Variants in BCAR3 observed in about 807,000 individuals in gnomAD.
BCAR3 encodes BCAR3 adaptor protein, NSP family member.
A neutral mutation model predicts 80.1 loss-of-function variants in BCAR3; 37 were observed. The observed-to-expected ratio is 0.46, with a 90% CI of 0.36 to 0.61. BCAR3 has a LOEUF of 0.61. Among genes scored for constraint, BCAR3 ranks in the 20% least tolerant of loss-of-function variants. BCAR3 has a pLI of 0.00. For missense variants in BCAR3, 978 were observed against 1,068.2 expected (o/e 0.92, Z 1.18); for synonymous variants, 389 against 418.9 (o/e 0.93, Z 0.87).
rs193138683 is a variant in BCAR3 at position 93,719,237 on chromosome 1, A to T, written c.-62-13095T>A. 2.6e-5 allele frequency among the ~76,000 whole-genome samples: 4 copies of T among 151,044 alleles called. No homozygotes were observed. The East Asian group carries it at 7.8e-4, about 29-fold the overall frequency. ...GGACCCTGCCATTAGCAAATGGTTG[A>T]TGCTCCATGTTGTATGAGGGCCCTC... is the stretch of plus-strand genomic sequence containing the variant. On this transcript the variant is annotated intron_variant, in intron 2 of 13. Coordinates refer to the BCAR3 transcript ENST00000370244.
At chr1:93,575,166 A>C (rs1673402566) in intron 8 of BCAR3, among the ~76,000 whole-genome samples, 1 of 152,220 alleles carries the variant, frequency 6.6e-6, no homozygotes, top group Non-Finnish European at 1.5e-5. Context: ...TGTAATAGCC[A>C]GTGCAGAATG....
In BCAR3 at chr1:93,619,895, C is replaced by T. The variant is rs146749055; in HGVS notation, c.357+22409G>A. Among the ~76,000 whole-genome samples, 9 of 152,358 alleles carry T rather than the reference C, an allele frequency of 5.9e-5. No individual in the cohort carries two copies. In the East Asian group the frequency reaches 1.5e-3, roughly 26 times the overall value. ...AGCCAGGATGGGTTCTGGTCTTCAC[C>T]ACTAGCTAGCTGGGTGACTTTGGGG... On this transcript the variant is annotated intron_variant, in intron 3 of 11. Transcript: ENST00000260502.
chr1:93,644,924 G>A (rs780498880), intron 2 of BCAR3, among the ~76,000 whole-genome samples: 18 of 152,208 alleles, frequency 1.2e-4, no homozygotes, highest in Middle Eastern at 3.2e-3. Flanking sequence ...ATTCCAGTTC[G>A]AAGGTGCATT....
chr1:93,671,472 G>T (rs1648199486), intron 2 of BCAR3, among the ~76,000 whole-genome samples: 1 of 152,168 alleles, frequency 6.6e-6, no homozygotes. Context: ...ATACCCGTCA[G>T]GCCAATACCC....
chr1:93,612,221 G>A (rs1674971923), intron 3 of BCAR3, among the ~76,000 whole-genome samples: 2 of 152,174 alleles, frequency 1.3e-5, no homozygotes, highest in Non-Finnish European at 1.5e-5. Flanking sequence ...GAGGGCTACA[G>A]TTTCCAGTGA....
intron 3 of BCAR3, among the ~76,000 whole-genome samples, chr1:93,686,893 AC>A (rs1206965613): frequency 6.6e-6 from 1 of 152,220 alleles, no homozygotes; most frequent in Admixed American, 6.5e-5. Flanking sequence ...AGACTCAGGT[AC>A]CACAAACTAA....
intron 2 of BCAR3, among the ~76,000 whole-genome samples, chr1:93,838,621 A>T (rs917005876): frequency 6.6e-6 from 1 of 152,166 alleles, no homozygotes; most frequent in East Asian, 1.9e-4. Context: ...TCCCCTTTCT[A>T]GTCATTTATA....
Position 93,571,703 on chromosome 1 carries a change from G to A in BCAR3, c.1941C>T (p.Phe647=), listed in dbSNP as rs1673224782. Residue 647 remains phenylalanine, a synonymous_variant, in exon 9 of 12, where the codon TTC becomes TTT. Transcript: ENST00000260502. ...TTTCCAGGGCTTTCATGAGAGCTGAGAAGGAATAGAGGTCCCCCATGGAAT... is the reference window on the plus strand; with the variant it reads ...TTTCCAGGGCTTTCATGAGAGCTGAAAAGGAATAGAGGTCCCCCATGGAAT... The part of the protein sequence containing the change: ...LKDSMGDLYS[F]SALMKALEMP... 1 of 1,614,158 alleles carries A rather than the reference G, an allele frequency of 6.2e-7. No homozygotes were observed. The highest frequency in any genetic ancestry group is 2.2e-5 in the East Asian group (1 of 44,880).
chr1:93,698,128 A>G (rs1028094726), intron 3 of BCAR3, among the ~76,000 whole-genome samples: 9 of 152,244 alleles, frequency 5.9e-5, no homozygotes, highest in Non-Finnish European at 1.0e-4. Flanking sequence ...AGGAGGCAGC[A>G]GCGGAAGCAG....
intron 9 of BCAR3, among the ~76,000 whole-genome samples, chr1:93,570,543 A>G (rs6674143): frequency 0.042 from 6,450 of 152,304 alleles, 206 homozygotes; most frequent in East Asian, 0.15. Flanking sequence ...CTCATCCTAA[A>G]AAATCCCTGG....
At chr1:93,847,300 A>C (rs1285280398), upstream of BCAR3, 1 of 171,594 alleles carries the variant, frequency 5.8e-6, no homozygotes, top group Admixed American at 6.5e-5. Flanking sequence ...CTGGGCCCGG[A>C]CCGTGAAGGG....
chr1:93,828,015 C>T (rs1370609827), intron 2 of BCAR3, among the ~76,000 whole-genome samples: 3 of 152,124 alleles, frequency 2.0e-5, no homozygotes, highest in Non-Finnish European at 4.4e-5. Context: ...CCTGTAATCC[C>T]AGTGCTTTGG....
chr1:93,693,950 T>A (rs1278262786), intron 3 of BCAR3, among the ~76,000 whole-genome samples: 2 of 152,254 alleles, frequency 1.3e-5, no homozygotes, highest in African/African-American at 4.8e-5. Context: ...GCACTCTGTG[T>A]GCTTTGCCCA....
At chr1:93,721,067 G>C (rs959725280) in intron 2 of BCAR3, among the ~76,000 whole-genome samples, 1 of 152,180 alleles carries the variant, frequency 6.6e-6, no homozygotes, top group Admixed American at 6.5e-5. Flanking sequence ...CACTGGTAGC[G>C]GCTAGATTGG....
intron 2 of BCAR3, among the ~76,000 whole-genome samples, chr1:93,827,785 G>C (rs1332329586): frequency 6.6e-6 from 1 of 152,042 alleles, no homozygotes; most frequent in Non-Finnish European, 1.5e-5. Flanking sequence ...AAGTATGTAG[G>C]GGAGAGAGAG....
At chr1:93,682,020 T>C (rs1488016351), upstream of BCAR3, among the ~76,000 whole-genome samples, 2 of 152,078 alleles carry the variant, frequency 1.3e-5, no homozygotes, top group African/African-American at 2.4e-5. Flanking sequence ...AAGGAGCCAG[T>C]CCTCAAGTAT....
At chr1:93,755,105 TA>T (rs904348790) in intron 2 of BCAR3, among the ~76,000 whole-genome samples, 81 of 152,200 alleles carry the variant, frequency 5.3e-4, no homozygotes, top group African/African-American at 1.9e-3. Flanking sequence ...TAAAAAATTT[TA>T]AAAATAGAAA....
At chr1:93,611,955 C>A (rs1396689560) in intron 3 of BCAR3, among the ~76,000 whole-genome samples, 1 of 152,154 alleles carries the variant, frequency 6.6e-6, no homozygotes, top group African/African-American at 2.4e-5. Flanking sequence ...GCTTTATTTC[C>A]TCTTTGCTAT....
chr1:93,710,067 C>T (rs1048856929), intron 2 of BCAR3, among the ~76,000 whole-genome samples: 1 of 152,084 alleles, frequency 6.6e-6, no homozygotes, highest in Admixed American at 6.6e-5. Context: ...GCCAGTTGGA[C>T]GAAATCCATG....
Sources: allele counts gnomAD v4.1 joint callset (sites outside exome capture counted in the v4.1 genomes callset), GRCh38; gene constraint gnomAD v4.1.1; transcripts MANE v1.5; gene names NCBI Gene and HGNC (gene_info 2026-07-23, HGNC 2026-07-21).